The following USP40 variants were observed in gnomAD, a reference collection of about 807,000 sequenced individuals.
USP40 encodes the protein ubiquitin specific peptidase 40.
A neutral mutation model predicts 166.2 loss-of-function variants in USP40; 143 were observed. The ratio of observed to expected loss-of-function variants is 0.86; its 90% CI spans 0.75 to 0.99. The LOEUF (loss-of-function observed/expected upper bound fraction) is 0.99, where lower values mean the gene tolerates loss of function less well. Ranked by LOEUF, USP40 falls within the 50% of genes least tolerant of loss-of-function variation. The pLI, the probability that USP40 is intolerant of heterozygous loss-of-function variation, is 0.00. For missense variants in USP40, 1,444 were observed against 1,479.7 expected, an observed-to-expected ratio of 0.98 and a Z score of 0.40; for synonymous variants, 498 against 524.0, an observed-to-expected ratio of 0.95 and a Z score of 0.68.
chr2:233,489,347 G>C lies in USP40; in HGVS notation c.3131+18C>G. 1 of 1,564,500 alleles carries C rather than the reference G, an allele frequency of 6.4e-7. No homozygotes were observed. Among genetic ancestry groups the C allele is most frequent in the Non-Finnish European group, 8.7e-7 (1 of 1,152,868 alleles). On this transcript the variant is annotated intron_variant, in intron 27 of 31. Transcript: ENST00000678225. ...CAGCAGCAGAGAGGGACAGTGTTGCGTCCAGCAAGGAACCTACCTGAGTGG... is the reference window on the plus strand; with the variant it reads ...CAGCAGCAGAGAGGGACAGTGTTGCCTCCAGCAAGGAACCTACCTGAGTGG...
intron 12 of USP40, among the ~76,000 whole-genome samples, chr2:233,527,950 T>A (rs1438097132): frequency 6.6e-6 from 1 of 152,054 alleles, no homozygotes; most frequent in Non-Finnish European, 1.5e-5. Flanking sequence ...ATCATCCTTA[T>A]TTCCACTAGA....
At chr2:233,507,908 T>G (rs1180095073) in intron 21 of USP40, among the ~76,000 whole-genome samples, 1 of 152,250 alleles carries the variant, frequency 6.6e-6, no homozygotes, top group East Asian at 1.9e-4. Flanking sequence ...ATTTAATCAT[T>G]ATACAACACA....
intron 19 of USP40, 70 bp downstream of exon 19, chr2:233,512,499 G>T: frequency 2.9e-6 from 3 of 1,050,564 alleles, no homozygotes; most frequent in Non-Finnish European, 4.1e-6. Flanking sequence ...ATTAGGTATT[G>T]GAGGCCACTA....
At chr2:233,519,201 T>C (rs556619674) in intron 18 of USP40, among the ~76,000 whole-genome samples, 1 of 152,342 alleles carries the variant, frequency 6.6e-6, no homozygotes, top group Admixed American at 6.5e-5. Flanking sequence ...CATTTACTGA[T>C]GATTACTGAA....
rs905306462 is a variant in USP40 at position 233,480,533 on chromosome 2, C to T, written c.3599+670G>A. Among the ~76,000 whole-genome samples, 1 of 152,232 alleles carries T rather than the reference C, an allele frequency of 6.6e-6. No individual in the cohort carries two copies. The highest frequency in any genetic ancestry group is 1.5e-5 in the Non-Finnish European group (1 of 68,048). On this transcript the variant is annotated intron_variant, in intron 31 of 31. Coordinates refer to ENST00000678225, the MANE Select transcript of USP40 (RefSeq NM_001365479.2). The surrounding 1 kb of genome is among the most constrained non-coding windows in gnomAD (Gnocchi z 4.5). ...GGAGGCCTGAAGACAGCCGGCTGGG[C>T]ACAGAGCCTGTGGCTTGGCCTGACT... is the stretch of plus-strand genomic sequence containing the variant.
At chr2:233,485,193 C>G (rs1184178185) in intron 30 of USP40, among the ~76,000 whole-genome samples, 1 of 152,138 alleles carries the variant, frequency 6.6e-6, no homozygotes, top group African/African-American at 2.4e-5. Flanking sequence ...TCCTCACATT[C>G]CTTGGATAAC....
In USP40 at chr2:233,565,363, T is replaced by C; in HGVS notation, c.192A>G (p.Glu64=). The change falls in exon 2 of 32, where the codon GAA becomes GAG. Residue 64 remains glutamate (E), a synonymous_variant. Transcript: ENST00000678225. ...SLLQTLHFTP[E]FREALFSLGP... is the part of the protein sequence containing the mutation. Reference sequence around the variant, plus strand: ...GTACGTAACATAGCATACCTCTGAATTCAGGTGTGAAATGAAGAGTCTGAA... The same window carrying C: ...GTACGTAACATAGCATACCTCTGAACTCAGGTGTGAAATGAAGAGTCTGAA... The C allele has an allele frequency of 6.5e-7, 1 of 1,536,366 alleles. No homozygotes were observed.
chr2:233,485,594 T>C lies in USP40; in HGVS notation c.3441A>G (p.Lys1147=), dbSNP rs757528644. 2.5e-6 allele frequency: 4 copies of C among 1,613,856 alleles called. No individual in the cohort carries two copies. The highest frequency in any genetic ancestry group is 3.3e-5 in the Admixed American group (2 of 60,000). Reference sequence around the variant, plus strand: ...GTGCCCCTTGCAAATAATCTTGTTTTTTTTTCTTTTTCCTCTTGGTTATTT... The same window carrying C: ...GTGCCCCTTGCAAATAATCTTGTTTCTTTTTCTTTTTCCTCTTGGTTATTT... ...NQQITKRKKK[K]KQDYLQGAPY... Residue 1147 remains lysine, a synonymous_variant, in exon 30 of 32, where the codon AAA becomes AAG. Transcript: ENST00000678225.
intron 6 of USP40, 125 bp from the exon 7 acceptor site, chr2:233,551,644 T>C (rs2070575947): frequency 2.2e-6 from 2 of 901,394 alleles, no homozygotes; most frequent in Non-Finnish European, 3.3e-6. Context: ...CATAAACTCA[T>C]TACCATGGAT....
chr2:233,527,968 C>G (rs1176490309), intron 12 of USP40, among the ~76,000 whole-genome samples: 9 of 150,676 alleles, frequency 6.0e-5, no homozygotes, highest in African/African-American at 1.7e-4. Flanking sequence ...AGATTTTGCA[C>G]ATTCTCCCAT....
chr2:233,496,663 G>T, intron 24 of USP40, 95 bp downstream of exon 24: 1 of 991,986 alleles, frequency 1.0e-6, no homozygotes, highest in Non-Finnish European at 1.5e-6. Flanking sequence ...ATGACTGTCT[G>T]AATTTCCCCA....
At chr2:233,544,193 C>A (rs1468752088) in intron 8 of USP40, among the ~76,000 whole-genome samples, 1 of 152,132 alleles carries the variant, frequency 6.6e-6, no homozygotes, top group Non-Finnish European at 1.5e-5. Flanking sequence ...AACTCAGGAA[C>A]TTATACTACA....
chr2:233,519,099 A>G (rs2067466122), intron 18 of USP40, among the ~76,000 whole-genome samples: 1 of 152,224 alleles, frequency 6.6e-6, no homozygotes, highest in Admixed American at 6.5e-5. Flanking sequence ...AGTGGTTGCC[A>G]GGGGCTTGGA....
chr2:233,481,452 T>C, intron 30 of USP40, 155 bp from the exon 31 acceptor site: 1 of 687,204 alleles, frequency 1.5e-6, no homozygotes, highest in Non-Finnish European at 2.4e-6. Flanking sequence ...ATCCTCTTGC[T>C]CGATGAAAAC....
chr2:233,484,432 C>T (rs921919032), intron 30 of USP40, among the ~76,000 whole-genome samples: 1 of 150,998 alleles, frequency 6.6e-6, no homozygotes, highest in South Asian at 2.1e-4. Context: ...TCGAACTCCT[C>T]TATCAGATCT....
At chr2:233,528,530 T>C (rs752712044) in intron 12 of USP40, among the ~76,000 whole-genome samples, 10 of 152,174 alleles carry the variant, frequency 6.6e-5, no homozygotes, top group Non-Finnish European at 7.4e-5. Context: ...TTAGTGCGGG[T>C]TGATGACAGC....
At chr2:233,561,003 A>T in intron 3 of USP40, 1 of 890,364 alleles carries the variant, frequency 1.1e-6, no homozygotes, top group Non-Finnish European at 1.8e-6. Context: ...GGCAAATTCC[A>T]TTACCCATAG....
At position 233,559,885 on chromosome 2, in the gene USP40, G is replaced by T. The variant is rs2125395503; in HGVS notation, c.307C>A (p.Gln103Lys). The change falls in exon 4 of 32, where the codon CAG (glutamine) becomes AAG (lysine). Residue 103 changes from glutamine to lysine, a missense_variant. Physicochemically the swap from Gln to Lys is moderately conservative, Grantham distance 53 (BLOSUM62 1). Transcript: ENST00000678225. Reference protein sequence around the residue: ...IPLQLQRLFAQLLLLDQEAAS... With the variant: ...IPLQLQRLFAKLLLLDQEAAS... ...GCTTCCTGGTCTAAGAGCAGAAGCT[G>T]AGCAAACAAGCGCTGTAACTGTAAA... is the stretch of plus-strand genomic sequence containing the variant. 1 of 1,609,728 alleles carries T rather than the reference G, an allele frequency of 6.2e-7. No homozygotes were observed. Among genetic ancestry groups the T allele is most frequent in the Non-Finnish European group, 8.5e-7 (1 of 1,178,066 alleles).
intron 16 of USP40, among the ~76,000 whole-genome samples, chr2:233,521,718 T>C (rs1559249328): frequency 6.6e-6 from 1 of 152,322 alleles, no homozygotes; most frequent in South Asian, 2.1e-4. Context: ...TTTGGGAATG[T>C]ACATTAGAGC....
Sources: gnomAD v4.1 joint callset for allele counts (sites outside exome capture counted in the v4.1 genomes callset) on GRCh38, gnomAD v4.1.1 for gene constraint, Gnocchi (gnomAD v3.1) non-coding constraint, MANE v1.5 for transcripts, NCBI Gene and HGNC (gene_info 2026-07-23, HGNC 2026-07-21) for gene names.